The following ADGRE2 variants were observed in gnomAD, a reference collection of about 807,000 sequenced individuals.
ADGRE2 encodes the protein adhesion G protein-coupled receptor E2.
Under a neutral mutation model 100.8 loss-of-function variants are expected in ADGRE2, and 83 were observed. The observed-to-expected ratio is 0.82, with a 90% CI of 0.69 to 0.99. ADGRE2 has a LOEUF of 0.99. ADGRE2 is among the 50% of genes least tolerant of loss of function. ADGRE2 has a pLI of 0.00. For missense variants in ADGRE2, 814 were observed against 1,035.7 expected (o/e 0.79, Z 2.94); for synonymous variants, 355 against 413.0 (o/e 0.86, Z 1.70).
In ADGRE2 at chr19:14,762,084, A is replaced by G. The variant is rs1341788151; in HGVS notation, c.1084+2349T>C. ...TTACCCCAGAAAACAACACCACTTC[A>G]CTTGGGAATATGTTCTCAGGGGCTC... On this transcript the variant is annotated intron_variant, in intron 11 of 20. Coordinates refer to ENST00000315576, the MANE Select transcript of ADGRE2 (RefSeq NM_013447.4). 3.3e-5 allele frequency among the ~76,000 whole-genome samples: 5 copies of G among 151,902 alleles called. No individual in the cohort carries two copies. The East Asian group carries it at 7.7e-4, about 23-fold the overall frequency.
At chr19:14,732,064 T>C (rs1242302552), downstream of ADGRE2, 1 of 152,250 alleles carries the variant, frequency 6.6e-6, no homozygotes, top group African/African-American at 2.4e-5. Context: ...TCAATATTCC[T>C]GGATGTAGGA....
At chr19:14,754,884 G>T in intron 14 of ADGRE2, 70 bp downstream of exon 14, 1 of 1,544,300 alleles carries the variant, frequency 6.5e-7, no homozygotes, top group Admixed American at 1.8e-5. Context: ...TTTTTTAAAA[G>T]GCTGCTACGT....
chr19:14,739,661 GT>G (rs1212443654), intron 20 of ADGRE2, among the ~76,000 whole-genome samples: 1 of 152,158 alleles, frequency 6.6e-6, no homozygotes, highest in East Asian at 1.9e-4. Flanking sequence ...CCCAGAACCT[GT>G]AAATGCTACC....
intron 3 of ADGRE2, 37 bp from the exon 4 acceptor site, chr19:14,774,091 T>C (rs45497896): frequency 0.014 from 21,594 of 1,567,010 alleles, 365 homozygotes; most frequent in South Asian, 0.07. Context: ...AGGTGAGGGG[T>C]AAGGGAATAC....
At chr19:14,751,729 C>T in intron 15 of ADGRE2, 58 bp from the exon 16 acceptor site, 1 of 1,264,892 alleles carries the variant, frequency 7.9e-7, no homozygotes, top group Non-Finnish European at 1.1e-6. Context: ...TGGCCCATGG[C>T]TTCTCCTGTA....
the ADGRE2 span, among the ~76,000 whole-genome samples, chr19:14,726,817 T>C: frequency 2.6e-5 from 4 of 152,180 alleles, no homozygotes; most frequent in African/African-American, 9.7e-5. Context: ...ACCAGTATTT[T>C]GGTCACAACC....
chr19:14,747,677 G>A (rs62122596), intron 16 of ADGRE2, among the ~76,000 whole-genome samples: 7,977 of 151,944 alleles, frequency 0.052, 241 homozygotes, highest in Middle Eastern at 0.075. Context: ...GTGTGGTGGC[G>A]CATGCCTGTA....
rs1239696269 is a variant in ADGRE2, at chr19:14,743,436, G to T, written c.2447C>A (p.Thr816Asn). ...HTLSSSAKAD[T>N]SKPSTVN is the part of the protein sequence containing the mutation. ...TGATCTTACCGTGCTGGGTTTGGAG[G>T]TGTCAGCCTTAGCACTGCTGGAGAG... The change falls in exon 20 of 21, where the codon ACC (threonine) becomes AAC (asparagine). Residue 816 changes from threonine to asparagine, a missense_variant. By Grantham distance (65) the Thr-to-Asn change is moderately conservative (BLOSUM62 0). Transcript: ENST00000315576. The T allele has an allele frequency of 1.9e-6, 3 of 1,614,006 alleles. No individual in the cohort carries two copies. The highest frequency in any genetic ancestry group is 2.5e-6 in the Non-Finnish European group (3 of 1,179,872).
chr19:14,770,964 G>A (rs901191491), intron 5 of ADGRE2, among the ~76,000 whole-genome samples: 2 of 152,094 alleles, frequency 1.3e-5, no homozygotes, highest in African/African-American at 4.8e-5. Flanking sequence ...ACAGGCGTGA[G>A]CCACTGTGCC....
At chr19:14,756,176 A>G in intron 12 of ADGRE2, 62 bp downstream of exon 12, 1 of 1,241,392 alleles carries the variant, frequency 8.1e-7, no homozygotes, top group Non-Finnish European at 1.2e-6. Flanking sequence ...TATTTTTCAC[A>G]TTCTTGGGCA....
At position 14,746,936 on chromosome 19, in the gene ADGRE2, A is replaced by T. The variant is rs2043111385; in HGVS notation, c.2051T>A (p.Phe684Tyr). The change falls in exon 17 of 21, where the codon TTT (phenylalanine) becomes TAT (tyrosine). Residue 684 changes from phenylalanine to tyrosine, a missense_variant. Around this residue, in one of 5 missense-constraint regions of ADGRE2, gnomAD observed 569 missense variants for 692.7 expected, o/e 0.82. Coordinates refer to ENST00000315576, the MANE Select transcript of ADGRE2 (RefSeq NM_013447.4). ...SRCWLQPEKG[F>Y]IWGFLGPVCA... ...GACAGGTCCAAGGAAGCCCCATATA[A>T]ATCCCTTTTCTGGTTGGAGCCAGCA... 6.2e-7 allele frequency: 1 copy of T among 1,613,532 alleles called. No individual in the cohort carries two copies. The highest frequency in any genetic ancestry group is 8.5e-7 in the Non-Finnish European group (1 of 1,179,868).
At chr19:14,769,995 G>A (rs1320394167) in intron 5 of ADGRE2, among the ~76,000 whole-genome samples, 10 of 152,154 alleles carry the variant, frequency 6.6e-5, no homozygotes, top group Non-Finnish European at 2.9e-5. Flanking sequence ...ACTGCGCCCG[G>A]CCAGTGCTGG....
chr19:14,766,403 C>T, intron 6 of ADGRE2, 22 bp from the exon 7 acceptor site: 1 of 1,604,050 alleles, frequency 6.2e-7, no homozygotes, highest in Non-Finnish European at 8.5e-7. Flanking sequence ...GCCAGAGGGT[C>T]AAACCCTGTC....
intron 20 of ADGRE2, among the ~76,000 whole-genome samples, chr19:14,738,452 C>A (rs2042823859): frequency 6.6e-6 from 1 of 151,862 alleles, no homozygotes; most frequent in African/African-American, 2.4e-5. Flanking sequence ...GATCATAGCT[C>A]ACTGGATACT....
intron 12 of ADGRE2, 111 bp from the exon 13 acceptor site, chr19:14,755,988 G>A: frequency 1.1e-6 from 1 of 900,760 alleles, no homozygotes. Flanking sequence ...ACCTTCCTTT[G>A]GCTTCACCCC....
chr19:14,776,017 C>T (rs2044424635), intron 2 of ADGRE2, among the ~76,000 whole-genome samples: 1 of 152,100 alleles, frequency 6.6e-6, no homozygotes, highest in Non-Finnish European at 1.5e-5. Flanking sequence ...ACCCCGGGCG[C>T]CCCTCCCACA....
Position 14,774,288 on chromosome 19 carries a change from G to A in ADGRE2, c.50C>T (p.Thr17Ile), listed in dbSNP as rs2044334834. 6.3e-7 allele frequency: 1 copy of A among 1,585,524 alleles called. No individual in the cohort carries two copies. Among genetic ancestry groups the A allele is most frequent in the Non-Finnish European group, 8.6e-7 (1 of 1,162,808 alleles). Residue 17 changes from threonine (T) to isoleucine (I), a missense_variant, in exon 3 of 21, where the codon ACT becomes ATT. Transcript: ENST00000315576. Reference sequence around the variant, plus strand: ...GTCCTGGGTTTCAGCTCCCGGCAGAGTCAGCCAGACACAGAATGCTGCAAC... The same window carrying A: ...GTCCTGGGTTTCAGCTCCCGGCAGAATCAGCCAGACACAGAATGCTGCAAC... ...LVFLAFCVWLTLPGAETQDSR... is the reference protein window; with the variant it reads ...LVFLAFCVWLILPGAETQDSR...
intron 18 of ADGRE2, among the ~76,000 whole-genome samples, chr19:14,745,947 A>G (rs2043072668): frequency 6.6e-6 from 1 of 152,162 alleles, no homozygotes; most frequent in Admixed American, 6.6e-5. Flanking sequence ...TTGTGATCGA[A>G]TCGTATCCTA....
chr19:14,755,993 C>G, intron 12 of ADGRE2, 116 bp from the exon 13 acceptor site: 1 of 850,386 alleles, frequency 1.2e-6, no homozygotes, highest in Non-Finnish European at 1.9e-6. Flanking sequence ...CCTTTGGCTT[C>G]ACCCCTCCCA....
Sources: gnomAD v4.1 joint callset for allele counts (sites outside exome capture counted in the v4.1 genomes callset) on GRCh38, gnomAD v4.1.1 for gene constraint, gnomAD v4.1.1 regional missense constraint, MANE v1.5 for transcripts, NCBI Gene and HGNC (gene_info 2026-07-23, HGNC 2026-07-21) for gene names.